The following AGPAT4 variants were observed in gnomAD, a reference collection of about 807,000 sequenced individuals.
AGPAT4 encodes the protein 1-acyl-sn-glycerol-3-phosphate acyltransferase delta.
A neutral mutation model predicts 48.0 loss-of-function variants in AGPAT4; 15 were observed. The ratio of observed to expected loss-of-function variants is 0.31; its 90% CI spans 0.21 to 0.48. AGPAT4 has a LOEUF of 0.48. Among genes scored for constraint, AGPAT4 ranks in the 20% least tolerant of loss-of-function variants. The probability of loss-of-function intolerance (pLI) is 0.99; values close to 1 mark genes in which losing one functional copy is unlikely to be tolerated. For synonymous variants in AGPAT4, 178 were observed against 198.7 expected (o/e 0.90, Z 0.88); for missense variants, 314 against 482.5 (o/e 0.65, Z 3.27).
At chr6:161,172,457 A>G in intron 2 of AGPAT4, among the ~76,000 whole-genome samples, 1 of 152,114 alleles carries the variant, frequency 6.6e-6, no homozygotes, top group Non-Finnish European at 1.5e-5. Flanking sequence ...CACACACTAC[A>G]GGGAATCCCA....
chr6:161,232,175 G>A lies in AGPAT4; in HGVS notation c.39C>T (p.Cys13=), dbSNP rs1459857097. Residue 13 remains cysteine, a synonymous_variant, in exon 2 of 9, where the codon TGC becomes TGT. Transcript: ENST00000320285. This position sits in a 1 kb window ranked among gnomAD's most constrained non-coding sequence, Gnocchi z 6.8. ...LAGLLKSQFL[C]HLVFCYVFIA... is the part of the protein sequence containing the mutation. The stretch of plus-strand genomic sequence containing the variant: ...TAAAGACGTAGCAGAAGACCAGGTG[G>A]CACAGGAACTGAGACTTCAGCAGTC... The A allele has an allele frequency of 6.2e-7, 1 of 1,614,142 alleles. No individual in the cohort carries two copies. The highest frequency in any genetic ancestry group is 1.1e-5 in the South Asian group (1 of 91,082).
chr6:161,166,180 A>G lies in AGPAT4; in HGVS notation c.348+68T>C, dbSNP rs766769535. The G allele has an allele frequency of 6.4e-7, 1 of 1,565,744 alleles. No individual in the cohort carries two copies. The highest frequency in any genetic ancestry group is 8.7e-7 in the Non-Finnish European group (1 of 1,149,704). ...CTGCAAGTTCTGAATGACCAGGAGC[A>G]AAAAGACAAGTGGTGGGGCTGAACC... On this transcript the variant is annotated intron_variant, in intron 3 of 8. Transcript: ENST00000320285. The surrounding 1 kb of genome is among the most constrained non-coding windows in gnomAD (Gnocchi z 6.7).
Position 161,147,717 on chromosome 6 carries a change from G to A in AGPAT4, c.768-1118C>T, listed in dbSNP as rs906770947. Reference sequence around the variant, plus strand: ...ACTTCTCTGGATCCTCTACTTCTTTGCTGTTTGATCTACTCTGCTTTGGAA... The same window carrying A: ...ACTTCTCTGGATCCTCTACTTCTTTACTGTTTGATCTACTCTGCTTTGGAA... On this transcript the variant is annotated intron_variant, in intron 6 of 8. Coordinates refer to ENST00000320285, the MANE Select transcript of AGPAT4 (RefSeq NM_020133.3). The surrounding 1 kb of genome is among the most constrained non-coding windows in gnomAD (Gnocchi z 4.8). Among the ~76,000 whole-genome samples, 1 of 152,120 alleles carries A rather than the reference G, an allele frequency of 6.6e-6. No individual in the cohort carries two copies. The highest frequency in any genetic ancestry group is 2.4e-5 in the African/African-American group (1 of 41,428).
chr6:161,219,936 A>AGGC lies in AGPAT4; in HGVS notation c.178+12097_178+12099dup, dbSNP rs1488929997. 3.3e-5 allele frequency among the ~76,000 whole-genome samples: 5 copies of AGGC among 151,244 alleles called. No individual in the cohort carries two copies. In the East Asian group the frequency reaches 7.8e-4, roughly 24 times the overall value. On this transcript the variant is annotated intron_variant, in intron 2 of 8. Transcript: ENST00000320285. This position sits in a 1 kb window ranked among gnomAD's most constrained non-coding sequence, Gnocchi z 4.9. The stretch of plus-strand genomic sequence containing the variant: ...GCAGGCGGCAGGCAGGCAGGCAGGC[A>AGGC]GGCAGGCAGGCAGACAGACAGACAG...
rs189812318 is a variant in AGPAT4 at position 161,262,577 on chromosome 6, T to C, written c.-90+11361A>G. The stretch of plus-strand genomic sequence containing the variant: ...CTAGAGTTCCTCCTTCCACATCTTA[T>C]TGTAAAAACACAGGCTTACTGGGGC... On this transcript the variant is annotated intron_variant, in intron 1 of 8. Coordinates refer to ENST00000320285, the MANE Select transcript of AGPAT4 (RefSeq NM_020133.3). This position sits in a 1 kb window ranked among gnomAD's most constrained non-coding sequence, Gnocchi z 4.9. Among the ~76,000 whole-genome samples the C allele has an allele frequency of 9.1e-4, 139 of 152,270 alleles. No individual in the cohort carries two copies. Among genetic ancestry groups the C allele is most frequent in the African/African-American group, 3.2e-3 (132 of 41,576 alleles).
intron 5 of AGPAT4, among the ~76,000 whole-genome samples, chr6:161,152,991 A>T (rs1188933252): frequency 1.3e-5 from 2 of 152,206 alleles, no homozygotes; most frequent in Non-Finnish European, 2.9e-5. Flanking sequence ...TGATGCCAAC[A>T]GGTGGGCAAG....
rs2114753210 is a variant in AGPAT4, at chr6:161,262,658, C to T, written c.-90+11280G>A. 6.6e-6 allele frequency among the ~76,000 whole-genome samples: 1 copy of T among 152,298 alleles called. No individual in the cohort carries two copies. Among genetic ancestry groups the T allele is most frequent in the African/African-American group, 2.4e-5 (1 of 41,560 alleles). ...CACTGCAAGCTCTACCCCACTTCTTCCTTTGCTCAGAAGGTTTGGGTCCGA... is the reference window on the plus strand; with the variant it reads ...CACTGCAAGCTCTACCCCACTTCTTTCTTTGCTCAGAAGGTTTGGGTCCGA... On this transcript the variant is annotated intron_variant, in intron 1 of 8. Transcript: ENST00000320285. This position sits in a 1 kb window ranked among gnomAD's most constrained non-coding sequence, Gnocchi z 4.9.
rs756580501 is a variant in AGPAT4, at chr6:161,165,626, G to A, written c.348+622C>T. ...TCAGCTATGTGACACAGGCTCAACC[G>A]CTACACGCTGCAGTGTGTTGAAGAC... is the stretch of plus-strand genomic sequence containing the variant. On this transcript the variant is annotated intron_variant, in intron 3 of 8. Transcript: ENST00000320285. The surrounding 1 kb of genome is among the most constrained non-coding windows in gnomAD (Gnocchi z 5.5). 5.4e-6 allele frequency: 7 copies of A among 1,302,614 alleles called. No individual in the cohort carries two copies. The highest frequency in any genetic ancestry group is 3.0e-5 in the African/African-American group (2 of 65,650). 80.7% of individuals were successfully genotyped at this position (1,302,614 alleles called of 1,614,324 possible). A position where few individuals can be genotyped will look rare whatever the true frequency, so the allele number is the denominator to read the frequency against.
rs1235656555 is a variant in AGPAT4, at chr6:161,138,868, T to G, written c.1042+554A>C. Among the ~76,000 whole-genome samples the G allele has an allele frequency of 6.6e-6, 1 of 151,170 alleles. No homozygotes were observed. The highest frequency in any genetic ancestry group is 1.5e-5 in the Non-Finnish European group (1 of 67,688). On this transcript the variant is annotated intron_variant, in intron 8 of 8. Transcript: ENST00000320285. This position sits in a 1 kb window ranked among gnomAD's most constrained non-coding sequence, Gnocchi z 4.8. The stretch of plus-strand genomic sequence containing the variant: ...GCCCCGCCAGAGGCAAGGAGCAGGG[T>G]GCACAGGGGCTTGCCACCAAGAAGC...
intron 2 of AGPAT4, among the ~76,000 whole-genome samples, chr6:161,181,742 A>G (rs1353253881): frequency 1.3e-5 from 2 of 152,100 alleles, no homozygotes; most frequent in African/African-American, 4.8e-5. Context: ...TCTCCCAAGC[A>G]TCTGCTCTTC....
rs1410020607 is a variant in AGPAT4 at position 161,195,391 on chromosome 6, A to C, written c.179-28974T>G. 6.6e-6 allele frequency among the ~76,000 whole-genome samples: 1 copy of C among 152,230 alleles called. No individual in the cohort carries two copies. The highest frequency in any genetic ancestry group is 2.4e-5 in the African/African-American group (1 of 41,470). On this transcript the variant is annotated intron_variant, in intron 2 of 8. Transcript: ENST00000320285. This position sits in a 1 kb window ranked among gnomAD's most constrained non-coding sequence, Gnocchi z 5.0. Reference sequence around the variant, plus strand: ...ATTGGGCGGGTTATAAACACCTTTCATTATATGGCATGACCTGCAAGGAAT... The same window carrying C: ...ATTGGGCGGGTTATAAACACCTTTCCTTATATGGCATGACCTGCAAGGAAT...
rs192356050 is a variant in AGPAT4, at chr6:161,255,348, A to G, written c.-90+18590T>C. Among the ~76,000 whole-genome samples the G allele has an allele frequency of 3.9e-5, 6 of 152,306 alleles. No homozygotes were observed. Among genetic ancestry groups the G allele is most frequent in the Non-Finnish European group, 8.8e-5 (6 of 68,030 alleles). On this transcript the variant is annotated intron_variant, in intron 1 of 8. Coordinates refer to ENST00000320285, the MANE Select transcript of AGPAT4 (RefSeq NM_020133.3). The surrounding 1 kb of genome is among the most constrained non-coding windows in gnomAD (Gnocchi z 4.7). Reference sequence around the variant, plus strand: ...CTTCTGATGTTAGAATTACCATATGACCCAGAAACTCTACTCCTAGGAATC... The same window carrying G: ...CTTCTGATGTTAGAATTACCATATGGCCCAGAAACTCTACTCCTAGGAATC...
intron 2 of AGPAT4, among the ~76,000 whole-genome samples, chr6:161,199,720 C>T (rs1056610202): frequency 6.6e-6 from 1 of 152,248 alleles, no homozygotes; most frequent in Non-Finnish European, 1.5e-5. Context: ...TATTTAAAAG[C>T]GTGCAGCACC....
Position 161,219,663 on chromosome 6 carries a change from C to T in AGPAT4, c.178+12373G>A, listed in dbSNP as rs1298952265. 6.6e-6 allele frequency among the ~76,000 whole-genome samples: 1 copy of T among 152,118 alleles called. No individual in the cohort carries two copies. The highest frequency in any genetic ancestry group is 1.5e-5 in the Non-Finnish European group (1 of 68,022). On this transcript the variant is annotated intron_variant, in intron 2 of 8. Coordinates refer to ENST00000320285, the MANE Select transcript of AGPAT4 (RefSeq NM_020133.3). The surrounding 1 kb of genome is among the most constrained non-coding windows in gnomAD (Gnocchi z 4.9). ...AATAGCTAAGACAACTTGACTTAAG[C>T]CAAGCATCCATTCATACAATTCAGT...
chr6:161,153,528 C>T (rs2114965917), intron 4 of AGPAT4, 29 bp from the exon 5 acceptor site: 1 of 1,610,474 alleles, frequency 6.2e-7, no homozygotes, highest in Non-Finnish European at 8.5e-7. Flanking sequence ...GAGTCGCACG[C>T]AGCCTCGGGG....
In AGPAT4 at chr6:161,136,541, C is replaced by CT; in HGVS notation, c.1135_1136insA (p.Ter379=). ...NSDSKQKLND[*] ...TTCGGATGGTGACACCTCCCTGAGT[C>CT]AGTCATTCAGTTTCTGCTTGCTGTC... Residue 379 remains the stop codon, a frameshift_variant and stop_retained_variant, in exon 9 of 9, where the codon TGA becomes TAGA. Transcript: ENST00000320285. LOFTEE classifies it high-confidence loss of function. The CT allele has an allele frequency of 1.2e-6, 2 of 1,614,012 alleles. No homozygotes were observed. The highest frequency in any genetic ancestry group is 2.2e-5 in the South Asian group (2 of 91,076).
chr6:161,139,369 C>G lies in AGPAT4; in HGVS notation c.1042+53G>C. On this transcript the variant is annotated intron_variant, in intron 8 of 8. Transcript: ENST00000320285. The surrounding 1 kb of genome is among the most constrained non-coding windows in gnomAD (Gnocchi z 9.1). ...GGCCTTCGTCCCAGCCCTGATGCCA[C>G]CTCTCCCAGGGTGGTGCTGTCAGCA... The G allele has an allele frequency of 6.3e-7, 1 of 1,591,148 alleles. No individual in the cohort carries two copies. Among genetic ancestry groups the G allele is most frequent in the Non-Finnish European group, 8.6e-7 (1 of 1,163,542 alleles).
At chr6:161,192,358 C>T (rs1426060972) in intron 2 of AGPAT4, among the ~76,000 whole-genome samples, 1 of 152,092 alleles carries the variant, frequency 6.6e-6, no homozygotes, top group Non-Finnish European at 1.5e-5. Context: ...CCCATGTTGG[C>T]CAGTCTGGTC....
Position 161,204,736 on chromosome 6 carries a change from A to C in AGPAT4, c.178+27300T>G, listed in dbSNP as rs1781334136. Among the ~76,000 whole-genome samples, 1 of 152,150 alleles carries C rather than the reference A, an allele frequency of 6.6e-6. No homozygotes were observed. The highest frequency in any genetic ancestry group is 1.5e-5 in the Non-Finnish European group (1 of 68,026). ...ATATGAGTGCTACAGTGCCAAGCAG[A>C]GAGGATACAGACCACGGTGGGGCTG... On this transcript the variant is annotated intron_variant, in intron 2 of 8. Coordinates refer to ENST00000320285, the MANE Select transcript of AGPAT4 (RefSeq NM_020133.3). This position sits in a 1 kb window ranked among gnomAD's most constrained non-coding sequence, Gnocchi z 4.4.
Sources: gnomAD v4.1 joint callset for allele counts (sites outside exome capture counted in the v4.1 genomes callset) on GRCh38, gnomAD v4.1.1 for gene constraint, Gnocchi (gnomAD v3.1) non-coding constraint, MANE v1.5 for transcripts, NCBI Gene and HGNC (gene_info 2026-07-23, HGNC 2026-07-21) for gene names.